Variants in TENT2 observed in about 807,000 individuals in gnomAD.
TENT2 encodes the protein poly(A) RNA polymerase GLD2.
In TENT2, 44 loss-of-function variants were observed where a neutral mutation model predicts 72.2. That is an observed-to-expected ratio of 0.61 (90% CI 0.48 to 0.78). The LOEUF (loss-of-function observed/expected upper bound fraction) is 0.78. Among genes scored for constraint, TENT2 ranks in the 30% least tolerant of loss-of-function variants. TENT2 has a pLI of 0.00. For missense variants in TENT2, 541 were observed against 569.6 expected (o/e 0.95, Z 0.51); for synonymous variants, 212 against 192.5 (o/e 1.10, Z -0.84).
rs1173861021 is a variant in TENT2, at chr5:79,612,729, A to G, written c.-384A>G. 6.5e-6 allele frequency: 1 copy of G among 152,696 alleles called. No individual in the cohort carries two copies. The highest frequency in any genetic ancestry group is 1.5e-5 in the Non-Finnish European group (1 of 68,200). The allele number at this position is 152,696 out of a possible 1,614,324, so 9.5% of individuals were successfully genotyped here. On this transcript the variant is annotated 5_prime_UTR_variant, in exon 1 of 15. Transcript: ENST00000453514. ...CGGGCCTTAGAACTTCTGAACGGGC[A>G]GTGCGGGTAGGCCCTGCTTAGCCCT...
rs1820070362 is a variant in TENT2, at chr5:79,679,514, C to A, written c.1209-65C>A. On this transcript the variant is annotated intron_variant, in intron 12 of 14. Transcript: ENST00000453514. ...ATTGGGGTAGGCCTTAGTATTGATA[C>A]AATAAAAATAATATAAGAGAAATTA... 9.0e-6 allele frequency: 11 copies of A among 1,216,734 alleles called. No homozygotes were observed. The South Asian group carries it at 1.9e-4, about 21-fold the overall frequency. 75.4% of individuals were successfully genotyped at this position (1,216,734 alleles called of 1,614,324 possible).
chr5:79,669,801 A>G (rs1213884055), intron 12 of TENT2, among the ~76,000 whole-genome samples: 1 of 151,824 alleles, frequency 6.6e-6, no homozygotes, highest in East Asian at 1.9e-4. Flanking sequence ...TATATTTATT[A>G]TATTATTATT....
intron 11 of TENT2, among the ~76,000 whole-genome samples, chr5:79,668,198 G>A (rs1002992413): frequency 2.6e-5 from 4 of 151,960 alleles, no homozygotes; most frequent in African/African-American, 4.8e-5. Flanking sequence ...TCTAATAGGC[G>A]TCTTTGTTCC....
chr5:79,639,443 T>C (rs1014317587), intron 4 of TENT2, among the ~76,000 whole-genome samples: 6 of 151,962 alleles, frequency 3.9e-5, no homozygotes, highest in Admixed American at 3.3e-4. Context: ...CAGTTTTGTT[T>C]CTTAGCAACT....
At chr5:79,617,499 A>G (rs987043645) in intron 1 of TENT2, 3 of 152,198 alleles carry the variant, frequency 2.0e-5, no homozygotes, top group African/African-American at 7.2e-5. Flanking sequence ...AATACATCAG[A>G]TAATCCACCA....
At chr5:79,641,030 T>A (rs1041657408) in intron 5 of TENT2, 65 bp downstream of exon 5, 2 of 1,489,308 alleles carry the variant, frequency 1.3e-6, no homozygotes, top group Non-Finnish European at 1.8e-6. Flanking sequence ...TTATCTTTTT[T>A]TTTTTTAATA....
At chr5:79,625,711 T>G (rs1429923702) in intron 4 of TENT2, among the ~76,000 whole-genome samples, 2 of 152,104 alleles carry the variant, frequency 1.3e-5, no homozygotes, top group Non-Finnish European at 2.9e-5. Context: ...ACTGTTCTTT[T>G]CTCCTCTGTA....
chr5:79,627,152 C>T (rs1342988905), intron 4 of TENT2, among the ~76,000 whole-genome samples: 1 of 149,418 alleles, frequency 6.7e-6, no homozygotes, highest in Admixed American at 6.7e-5. Context: ...AAATCTTTTA[C>T]TGTTTTTTTA....
chr5:79,647,778 AT>A (rs1011649111), intron 8 of TENT2, among the ~76,000 whole-genome samples: 5 of 152,110 alleles, frequency 3.3e-5, no homozygotes, highest in African/African-American at 1.2e-4. Context: ...GTAATCCTTA[AT>A]TTTTTATGAG....
At chr5:79,666,650 A>C (rs1808314689) in intron 11 of TENT2, among the ~76,000 whole-genome samples, 1 of 106,316 alleles carries the variant, frequency 9.4e-6, no homozygotes, top group East Asian at 2.9e-4. Context: ...TCATATTGCT[A>C]TGAAATTAAT....
At chr5:79,625,849 A>G (rs1462984394) in intron 4 of TENT2, among the ~76,000 whole-genome samples, 1 of 148,864 alleles carries the variant, frequency 6.7e-6, no homozygotes. Flanking sequence ...TTTTTTTTTG[A>G]TATAGAGTCT....
rs1785499030 is a variant in TENT2, at chr5:79,642,815, T to C, written c.673-17T>C. ...TTAGAAAGATAATGAAAAAACACTTTATTTTTAACTTTTCAGTGTTTTTTT... is the reference window on the plus strand; with the variant it reads ...TTAGAAAGATAATGAAAAAACACTTCATTTTTAACTTTTCAGTGTTTTTTT... On this transcript the variant is annotated splice_polypyrimidine_tract_variant and intron_variant, in intron 6 of 14. Transcript: ENST00000453514. 2.5e-6 allele frequency: 4 copies of C among 1,589,008 alleles called. No homozygotes were observed. The highest frequency in any genetic ancestry group is 1.7e-5 in the Admixed American group (1 of 58,028).
At chr5:79,640,417 G>A (rs1257723224) in intron 4 of TENT2, among the ~76,000 whole-genome samples, 1 of 152,038 alleles carries the variant, frequency 6.6e-6, no homozygotes, top group Non-Finnish European at 1.5e-5. Flanking sequence ...CTAGGGATTG[G>A]GCAAACTTCT....
chr5:79,633,997 C>CAAAAAAA (rs562252526), intron 4 of TENT2, among the ~76,000 whole-genome samples: 1 of 70,476 alleles, frequency 1.4e-5, no homozygotes, highest in Non-Finnish European at 3.6e-5. Context: ...ACTAAAAATA[C>CAAAAAAA]AAAAAAAAAA....
At chr5:79,679,548 G>C (rs757379861) in intron 12 of TENT2, 31 bp from the exon 13 acceptor site, 3 of 1,459,432 alleles carry the variant, frequency 2.1e-6, no homozygotes, top group Non-Finnish European at 2.8e-6. Flanking sequence ...TATGAAAATA[G>C]TTAACATGGT....
At chr5:79,679,544 A>G in intron 12 of TENT2, 35 bp from the exon 13 acceptor site, 1 of 1,441,062 alleles carries the variant, frequency 6.9e-7, no homozygotes, top group Non-Finnish European at 9.5e-7. Context: ...AAATTATGAA[A>G]ATAGTTAACA....
At chr5:79,680,658 G>A (rs893992716) in intron 13 of TENT2, among the ~76,000 whole-genome samples, 1 of 151,966 alleles carries the variant, frequency 6.6e-6, no homozygotes, top group Non-Finnish European at 1.5e-5. Flanking sequence ...CTTTCCCCTC[G>A]GTTACCTTTC....
rs535283284 is a variant in TENT2 at position 79,635,426 on chromosome 5, G to A, written c.466-5425G>A. ...TTCCATGCATGTAAAAAATGGAGAG[G>A]AACAAGAATATGGAATTTCATATTT... is the stretch of plus-strand genomic sequence containing the variant. On this transcript the variant is annotated intron_variant, in intron 4 of 14. Coordinates refer to ENST00000453514, the MANE Select transcript of TENT2 (RefSeq NM_001114394.3). 2.6e-4 allele frequency among the ~76,000 whole-genome samples: 34 copies of A among 131,044 alleles called. No homozygotes were observed. The South Asian group carries it at 3.3e-3, about 13-fold the overall frequency. 86.0% of individuals were successfully genotyped at this position (131,044 alleles called of 152,430 possible). A position where few individuals can be genotyped will look rare whatever the true frequency, so the allele number is the denominator to read the frequency against.
chr5:79,672,232 G>C (rs533634199), intron 12 of TENT2, among the ~76,000 whole-genome samples: 7 of 152,216 alleles, frequency 4.6e-5, no homozygotes, highest in African/African-American at 1.7e-4. Flanking sequence ...GAGATATTTT[G>C]ATATAGGCAT....
Sources: gnomAD v4.1 joint callset for allele counts (sites outside exome capture counted in the v4.1 genomes callset) on GRCh38, gnomAD v4.1.1 for gene constraint, MANE v1.5 for transcripts, NCBI Gene and HGNC (gene_info 2026-07-23, HGNC 2026-07-21) for gene names.